PARD6G: variants seen among roughly 807,000 people sequenced by gnomAD.
PARD6G encodes the protein partitioning defective 6 homolog gamma.
Under a neutral mutation model 10.7 loss-of-function variants are expected in PARD6G, and 7 were observed. The observed-to-expected ratio is 0.66, with a 90% CI of 0.37 to 1.23. The LOEUF (loss-of-function observed/expected upper bound fraction) is 1.23. PARD6G is among the 50% of genes most tolerant of loss of function. The probability of loss-of-function intolerance (pLI) is 0.02; values close to 1 mark genes in which losing one functional copy is unlikely to be tolerated. For missense variants in PARD6G, 548 were observed against 571.8 expected, an observed-to-expected ratio of 0.96 and a Z score of 0.42; for synonymous variants, 287 against 269.4, an observed-to-expected ratio of 1.07 and a Z score of -0.64.
chr18:80,212,074 C>T (rs1289272639), intron 1 of PARD6G, among the ~76,000 whole-genome samples: 1 of 152,190 alleles, frequency 6.6e-6, no homozygotes, highest in East Asian at 1.9e-4. Context: ...GATTCCCAGC[C>T]AGGGCCACAC....
intron 1 of PARD6G, among the ~76,000 whole-genome samples, chr18:80,219,811 T>A (rs1967210328): frequency 6.6e-6 from 1 of 152,144 alleles, no homozygotes; most frequent in Non-Finnish European, 1.5e-5. Flanking sequence ...CTCTAGGAAG[T>A]TCCAAATTTT....
In PARD6G at chr18:80,247,218, GC is replaced by G; in HGVS notation, c.72+58del. 1 of 1,387,066 alleles carries G rather than the reference GC, an allele frequency of 7.2e-7. No homozygotes were observed. Among genetic ancestry groups the G allele is most frequent in the South Asian group, 1.3e-5 (1 of 78,938 alleles). The allele number at this position is 1,387,066 out of a possible 1,614,324, so 85.9% of individuals were successfully genotyped here. A position where few individuals can be genotyped will look rare whatever the true frequency, so the allele number is the denominator to read the frequency against. ...CCGCCCCAGTCCCCCTCCGCGGGGC[GC>G]CCCATTCATTAGCCAGGAGACTGGG... On this transcript the variant is annotated intron_variant, in intron 1 of 2. Transcript: ENST00000353265. The surrounding 1 kb of genome is among the most constrained non-coding windows in gnomAD (Gnocchi z 4.2).
rs1485932583 is a variant in PARD6G at position 80,215,946 on chromosome 18, T to G, written c.73-13014A>C. On this transcript the variant is annotated intron_variant, in intron 1 of 2. Coordinates refer to ENST00000353265, the MANE Select transcript of PARD6G (RefSeq NM_032510.4). Reference sequence around the variant, plus strand: ...AAAGGGGATGGAAATAAATATACCATGCAAACAGTACCTAAAAGACAGCTG... The same window carrying G: ...AAAGGGGATGGAAATAAATATACCAGGCAAACAGTACCTAAAAGACAGCTG... Among the ~76,000 whole-genome samples the G allele has an allele frequency of 3.1e-4, 47 of 151,978 alleles. 1 individual carries two copies. Among genetic ancestry groups the G allele is most frequent in the Admixed American group, 3.1e-3 (47 of 15,262 alleles).
At chr18:80,225,043 A>C (rs1967276773) in intron 1 of PARD6G, among the ~76,000 whole-genome samples, 2 of 152,020 alleles carry the variant, frequency 1.3e-5, no homozygotes, top group African/African-American at 4.8e-5. Context: ...TTTCATCTTA[A>C]ACTCAGTCAG....
intron 2 of PARD6G, among the ~76,000 whole-genome samples, chr18:80,177,585 CACACATGCATACACACAA>C (rs2052821811): frequency 6.6e-6 from 1 of 151,516 alleles, no homozygotes; most frequent in Non-Finnish European, 1.5e-5. Flanking sequence ...AAAGCGCACA[CACACATGCATACACACAA>C]ACACACAGAC....
chr18:80,182,901 T>TG lies in PARD6G; in HGVS notation c.295+19808dup. On this transcript the variant is annotated intron_variant, in intron 2 of 2. Transcript: ENST00000353265. The surrounding 1 kb of genome is among the most constrained non-coding windows in gnomAD (Gnocchi z 4.5). Reference sequence around the variant, plus strand: ...TCTTAGTTCTAGGTACAGGGCTAGATGTTTGGCTGAAGCTGCGTGTGCCAC... The same window carrying TG: ...TCTTAGTTCTAGGTACAGGGCTAGATGGTTTGGCTGAAGCTGCGTGTGCCAC... 1 of 586,566 alleles carries TG rather than the reference T, an allele frequency of 1.7e-6. No homozygotes were observed. The highest frequency in any genetic ancestry group is 3.0e-6 in the Non-Finnish European group (1 of 328,932). The allele number at this position is 586,566 out of a possible 1,614,324, so 36.3% of individuals were successfully genotyped here.
chr18:80,183,011 C>T lies in PARD6G; in HGVS notation c.295+19699G>A. On this transcript the variant is annotated intron_variant, in intron 2 of 2. Coordinates refer to ENST00000353265, the MANE Select transcript of PARD6G (RefSeq NM_032510.4). The surrounding 1 kb of genome is among the most constrained non-coding windows in gnomAD (Gnocchi z 4.5). Reference sequence around the variant, plus strand: ...CGTGGCTCCCAGTGGAATGAGATGGCTGGGGTCTCATGAGGGGCCAGCTGC... The same window carrying T: ...CGTGGCTCCCAGTGGAATGAGATGGTTGGGGTCTCATGAGGGGCCAGCTGC... 1 of 681,574 alleles carries T rather than the reference C, an allele frequency of 1.5e-6. No homozygotes were observed. The allele number at this position is 681,574 out of a possible 1,614,324, so 42.2% of individuals were successfully genotyped here. A position where few individuals can be genotyped will look rare whatever the true frequency, so the allele number is the denominator to read the frequency against.
intron 1 of PARD6G, among the ~76,000 whole-genome samples, chr18:80,221,529 A>T (rs1297407029): frequency 6.6e-6 from 1 of 152,212 alleles, no homozygotes; most frequent in Admixed American, 6.5e-5. Flanking sequence ...AACACTCAAC[A>T]AACTAGGAAT....
intron 1 of PARD6G, among the ~76,000 whole-genome samples, chr18:80,229,080 A>G (rs1967330480): frequency 6.6e-6 from 1 of 152,138 alleles, no homozygotes; most frequent in Non-Finnish European, 1.5e-5. Context: ...CTGGGACTAC[A>G]GGTGCATGCC....
intron 1 of PARD6G, among the ~76,000 whole-genome samples, chr18:80,211,548 T>C (rs1359689340): frequency 1.3e-5 from 2 of 152,230 alleles, no homozygotes. Context: ...TGATCCAGCA[T>C]TCTACCTCTG....
At chr18:80,238,008 A>G (rs1967444164) in intron 1 of PARD6G, among the ~76,000 whole-genome samples, 1 of 152,158 alleles carries the variant, frequency 6.6e-6, no homozygotes, top group South Asian at 2.1e-4. Context: ...TATATACCCA[A>G]AGGATTATAA....
chr18:80,206,376 G>A (rs9965507), intron 1 of PARD6G, among the ~76,000 whole-genome samples: 239 of 152,272 alleles, frequency 1.6e-3, no homozygotes, highest in African/African-American at 5.4e-3. Context: ...TTAAACAAGA[G>A]TCCTCTAAAT....
Position 80,188,499 on chromosome 18 carries a change from A to G in PARD6G, c.295+14211T>C, listed in dbSNP as rs1020393475. On this transcript the variant is annotated intron_variant, in intron 2 of 2. Coordinates refer to ENST00000353265, the MANE Select transcript of PARD6G (RefSeq NM_032510.4). This position sits in a 1 kb window ranked among gnomAD's most constrained non-coding sequence, Gnocchi z 5.4. ...AAGTTGCCCTGCCCCAAGTTCTGAC[A>G]GCCCAAAACCCGGCAGGACCCTCCT... Among the ~76,000 whole-genome samples the G allele has an allele frequency of 6.6e-6, 1 of 152,210 alleles. No individual in the cohort carries two copies. The highest frequency in any genetic ancestry group is 1.5e-5 in the Non-Finnish European group (1 of 68,024).
At chr18:80,212,398 C>T (rs138850011) in intron 1 of PARD6G, among the ~76,000 whole-genome samples, 248 of 152,268 alleles carry the variant, frequency 1.6e-3, no homozygotes, top group Non-Finnish European at 2.9e-3. Context: ...CACACAAATA[C>T]GTGGCAAGAA....
chr18:80,216,737 C>CAA (rs1967171136), intron 1 of PARD6G, among the ~76,000 whole-genome samples: 1 of 151,868 alleles, frequency 6.6e-6, no homozygotes, highest in Non-Finnish European at 1.5e-5. Flanking sequence ...TAATCTAAAG[C>CAA]AAGCAGAAAG....
In PARD6G at chr18:80,157,698, G is replaced by A. The variant is rs933641601; in HGVS notation, c.*2073C>T. 6.6e-6 allele frequency: 1 copy of A among 152,182 alleles called. No homozygotes were observed. The highest frequency in any genetic ancestry group is 1.5e-5 in the Non-Finnish European group (1 of 68,050). 9.4% of individuals were successfully genotyped at this position (152,182 alleles called of 1,614,324 possible). On this transcript the variant is annotated 3_prime_UTR_variant, in exon 3 of 3. Transcript: ENST00000353265. ...GCGGATCCTCACCGGAGAGGTCATGGGGAAGCATCTTTGGTCTTCTCTTGC... is the reference window on the plus strand; with the variant it reads ...GCGGATCCTCACCGGAGAGGTCATGAGGAAGCATCTTTGGTCTTCTCTTGC...
chr18:80,198,748 T>C (rs1318976687), intron 2 of PARD6G, among the ~76,000 whole-genome samples: 1 of 152,190 alleles, frequency 6.6e-6, no homozygotes, highest in Non-Finnish European at 1.5e-5. Flanking sequence ...TATTCACATA[T>C]GGAGAATGGC....
intron 2 of PARD6G, among the ~76,000 whole-genome samples, chr18:80,166,912 C>G (rs1372019448): frequency 6.6e-6 from 1 of 152,078 alleles, no homozygotes; most frequent in African/African-American, 2.4e-5. Context: ...AACCAGAGCC[C>G]CCTTTGATCT....
At chr18:80,227,775 A>G (rs998345597) in intron 1 of PARD6G, among the ~76,000 whole-genome samples, 1 of 152,114 alleles carries the variant, frequency 6.6e-6, no homozygotes, top group Non-Finnish European at 1.5e-5. Context: ...TCCCTTCAGC[A>G]GAACAGACCC....
Sources: gnomAD v4.1 joint callset for allele counts (sites outside exome capture counted in the v4.1 genomes callset) on GRCh38, gnomAD v4.1.1 for gene constraint, Gnocchi (gnomAD v3.1) non-coding constraint, MANE v1.5 for transcripts, NCBI Gene and HGNC (gene_info 2026-07-23, HGNC 2026-07-21) for gene names.